The following TEK variants were observed in gnomAD, a reference collection of about 807,000 sequenced individuals.
The protein encoded by TEK is angiopoietin-1 receptor.
TEK carries 43 observed loss-of-function variants against 131.8 expected under a neutral mutation model. The observed-to-expected ratio is 0.33, with a 90% CI of 0.26 to 0.42. The LOEUF is 0.42. Among genes scored for constraint, TEK ranks in the 10% least tolerant of loss-of-function variants. TEK has a pLI of 1.00. For synonymous variants in TEK, 580 were observed against 491.6 expected (o/e 1.18, Z -2.38); for missense variants, 1,162 against 1,384.4 (o/e 0.84, Z 2.55).
intron 1 of TEK, among the ~76,000 whole-genome samples, chr9:27,115,519 A>AAACG (rs55753838): frequency 2.6e-5 from 4 of 151,836 alleles, no homozygotes; most frequent in African/African-American, 4.8e-5. Context: ...ACAAACAAAC[A>AAACG]AACGAAACTA....
Position 27,192,522 on chromosome 9 carries a change from A to T in TEK, c.1523A>T (p.Glu508Val). The change falls in exon 11 of 23, where the codon GAA becomes GTA. Residue 508 changes from glutamate to valine, a missense_variant. Glu to Val is a moderately radical substitution (Grantham distance 121). Transcript: ENST00000380036. ...TNEIVTLNYL[E>V]PRTEYELCVQ... ...GAGATTGTTACACTCAACTATTTGG[A>T]ACCTCGGACAGAATATGAACTCTGT... 6.2e-7 allele frequency: 1 copy of T among 1,614,016 alleles called. No homozygotes were observed. The highest frequency in any genetic ancestry group is 8.5e-7 in the Non-Finnish European group (1 of 1,179,938).
At chr9:27,228,157 G>T in intron 21 of TEK, 49 bp from the exon 22 acceptor site, 3 of 1,495,170 alleles carry the variant, frequency 2.0e-6, no homozygotes, top group Non-Finnish European at 2.8e-6. Flanking sequence ...CCGTGCCTAG[G>T]ACTGAAGCAC....
intron 14 of TEK, among the ~76,000 whole-genome samples, chr9:27,205,782 C>T (rs978320610): frequency 1.3e-5 from 2 of 152,074 alleles, no homozygotes; most frequent in African/African-American, 4.8e-5. Flanking sequence ...TAATTTGAAC[C>T]AGACTTTATC....
chr9:27,124,387 T>A (rs1359847778), intron 1 of TEK, among the ~76,000 whole-genome samples: 3 of 152,230 alleles, frequency 2.0e-5, no homozygotes, highest in Non-Finnish European at 4.4e-5. Flanking sequence ...TCTGCGCACA[T>A]ATCATCTTTC....
At chr9:27,217,649 C>T (rs200881802) in intron 18 of TEK, 39 bp from the exon 19 acceptor site, 3 of 1,599,408 alleles carry the variant, frequency 1.9e-6, no homozygotes, top group South Asian at 1.1e-5. Context: ...CTTAAAGACC[C>T]TGTCCCAGTT....
At position 27,172,747 on chromosome 9, in the gene TEK, G is replaced by A; in HGVS notation, c.760G>A (p.Ala254Thr). 1 of 1,613,322 alleles carries A rather than the reference G, an allele frequency of 6.2e-7. No homozygotes were observed. Among genetic ancestry groups the A allele is most frequent in the Non-Finnish European group, 8.5e-7 (1 of 1,179,504 alleles). ...GTTTATGGGAAGGACGTGTGAGAAGGGTAAGTAAAGAGACTTGATAAGTAA... is the reference window on the plus strand; with the variant it reads ...GTTTATGGGAAGGACGTGTGAGAAGAGTAAGTAAAGAGACTTGATAAGTAA... ...PGFMGRTCEKACELHTFGRTC... is the reference protein window; with the variant it reads ...PGFMGRTCEKTCELHTFGRTC... Residue 254 changes from alanine to threonine, a missense_variant and splice_region_variant, in exon 5 of 23, where the codon GCT becomes ACT. Around this residue, in one of 6 missense-constraint regions of TEK, gnomAD observed 436 missense variants for 539.1 expected, o/e 0.81. Coordinates refer to ENST00000380036, the MANE Select transcript of TEK (RefSeq NM_000459.5).
At chr9:27,198,954 C>A (rs1214021327) in intron 12 of TEK, among the ~76,000 whole-genome samples, 1 of 152,006 alleles carries the variant, frequency 6.6e-6, no homozygotes, top group African/African-American at 2.4e-5. Flanking sequence ...CACGCCACCA[C>A]ACCTGACTTT....
rs993063760 is a variant in TEK, at chr9:27,229,473, A to T, written c.*241A>T. On this transcript the variant is annotated 3_prime_UTR_variant, in exon 23 of 23. Transcript: ENST00000380036. ...AATCAGAATGCCTGTTTGTGGTTTC[A>T]TATGCAATAATATATTTTTTTAAAA... 3.7e-6 allele frequency: 2 copies of T among 534,868 alleles called. No individual in the cohort carries two copies. The highest frequency in any genetic ancestry group is 6.7e-6 in the Non-Finnish European group (2 of 298,376). The allele number at this position is 534,868 out of a possible 1,614,324, so 33.1% of individuals were successfully genotyped here.
chr9:27,146,112 TTATAA>T (rs1386405049), intron 1 of TEK, among the ~76,000 whole-genome samples: 2 of 152,220 alleles, frequency 1.3e-5, no homozygotes, highest in Non-Finnish European at 2.9e-5. Context: ...TCATGCAAAC[TTATAA>T]TACCCTATTA....
chr9:27,172,150 G>T (rs1303762330), intron 4 of TEK, among the ~76,000 whole-genome samples: 1 of 152,164 alleles, frequency 6.6e-6, no homozygotes, highest in Non-Finnish European at 1.5e-5. Flanking sequence ...GGGATCTGGG[G>T]TTTGCATTTC....
At chr9:27,146,659 G>T (rs9886810) in intron 1 of TEK, among the ~76,000 whole-genome samples, 8,276 of 151,626 alleles carry the variant, frequency 0.055, 764 homozygotes, top group African/African-American at 0.19. Flanking sequence ...TCCACTGAAG[G>T]ATATTTGGGT....
At chr9:27,178,501 C>T (rs547685443) in intron 6 of TEK, among the ~76,000 whole-genome samples, 2 of 151,952 alleles carry the variant, frequency 1.3e-5, no homozygotes, top group African/African-American at 4.8e-5. Context: ...GTGAAAAATA[C>T]CATTGCAATT....
At chr9:27,182,384 A>G (rs750487184) in intron 7 of TEK, among the ~76,000 whole-genome samples, 3 of 152,196 alleles carry the variant, frequency 2.0e-5, no homozygotes, top group Non-Finnish European at 4.4e-5. Context: ...TTCCTATTCA[A>G]ATAGCTACTT....
intron 1 of TEK, among the ~76,000 whole-genome samples, chr9:27,110,482 T>C (rs2782417): frequency 6.6e-6 from 1 of 152,078 alleles, no homozygotes; most frequent in Non-Finnish European, 1.5e-5. Flanking sequence ...CTGAACTACA[T>C]ATCACAAATA....
intron 1 of TEK, among the ~76,000 whole-genome samples, chr9:27,149,259 CTTA>C (rs1823040705): frequency 6.6e-6 from 1 of 152,134 alleles, no homozygotes; most frequent in Non-Finnish European, 1.5e-5. Context: ...AGTAATGGAA[CTTA>C]TTATCAATGA....
In TEK at chr9:27,185,405, A is replaced by G. The variant is rs1177068908; in HGVS notation, c.1183-80A>G. ...CTCCTAGGAAACTTCTTATTAAACA[A>G]TGAGATGGGGTCAATGTTATGGACC... On this transcript the variant is annotated intron_variant, in intron 8 of 22. Transcript: ENST00000380036. The G allele has an allele frequency of 2.6e-5, 41 of 1,550,228 alleles. 1 individual carries two copies. Among genetic ancestry groups the G allele is most frequent in the East Asian group, 1.6e-4 (7 of 44,474 alleles).
At chr9:27,228,021 A>G (rs115087621) in intron 21 of TEK, among the ~76,000 whole-genome samples, 185 bp from the exon 22 acceptor site, 1 of 152,122 alleles carries the variant, frequency 6.6e-6, no homozygotes, top group Admixed American at 6.5e-5. Context: ...AACTAAATCT[A>G]TGAGGAGTTG....
chr9:27,173,479 G>T (rs1824042112), intron 6 of TEK, 117 bp downstream of exon 6: 1 of 1,265,400 alleles, frequency 7.9e-7, no homozygotes, highest in African/African-American at 1.5e-5. Context: ...CCCACTACTG[G>T]ACAACAGGAT....
Position 27,212,701 on chromosome 9 carries a change from C to T in TEK, c.2687-6C>T, listed in dbSNP as rs1185415975. The T allele has an allele frequency of 6.2e-7, 1 of 1,613,992 alleles. No homozygotes were observed. The highest frequency in any genetic ancestry group is 8.5e-7 in the Non-Finnish European group (1 of 1,179,994). ...GATGAGTCGATGCTCTCTTCCTTCC[C>T]TCCAGGCTACTTGTACCTGGCCATT... On this transcript the variant is annotated splice_region_variant and splice_polypyrimidine_tract_variant and intron_variant, in intron 16 of 22. Coordinates refer to ENST00000380036, the MANE Select transcript of TEK (RefSeq NM_000459.5).
Sources: gnomAD v4.1 joint callset for allele counts (sites outside exome capture counted in the v4.1 genomes callset) on GRCh38, gnomAD v4.1.1 for gene constraint, gnomAD v4.1.1 regional missense constraint, MANE v1.5 for transcripts, NCBI Gene and HGNC (gene_info 2026-07-23, HGNC 2026-07-21) for gene names.